The following KLB variants were observed in gnomAD, a reference collection of about 807,000 sequenced individuals.
KLB encodes klotho beta.
Under a neutral mutation model 88.4 loss-of-function variants are expected in KLB, and 44 were observed. The ratio of observed to expected loss-of-function variants is 0.50; its 90% CI spans 0.39 to 0.64. The LOEUF (loss-of-function observed/expected upper bound fraction) is 0.64, where lower values mean the gene tolerates loss of function less well. KLB is among the 30% of genes least tolerant of loss of function. The pLI, the probability that KLB is intolerant of heterozygous loss-of-function variation, is 0.00. For missense variants in KLB, 1,137 were observed against 1,304.8 expected, an observed-to-expected ratio of 0.87 and a Z score of 1.98; for synonymous variants, 548 against 513.4, an observed-to-expected ratio of 1.07 and a Z score of -0.91.
In KLB at chr4:39,435,475, GAATGCAGTGGTGC is replaced by G. The variant is rs532305042; in HGVS notation, c.1336+759_1336+771del. 6.0e-5 allele frequency among the ~76,000 whole-genome samples: 9 copies of G among 150,020 alleles called. No homozygotes were observed. In the East Asian group the frequency reaches 1.6e-3, roughly 26 times the overall value. On this transcript the variant is annotated intron_variant, in intron 2 of 4. Transcript: ENST00000257408. ...AGTTTCACTCTTGTTTCCCAGGCTG[GAATGCAGTGGTGC>G]AATCTCAGCTCACTGCAACCTCCAC...
At chr4:39,431,701 G>GT (rs1390200707) in intron 1 of KLB, among the ~76,000 whole-genome samples, 1 of 152,206 alleles carries the variant, frequency 6.6e-6, no homozygotes, top group Non-Finnish European at 1.5e-5. Flanking sequence ...TATTTAAATT[G>GT]TTTTTTCTTG....
chr4:39,442,433 C>T (rs1166357790), intron 3 of KLB, among the ~76,000 whole-genome samples: 1 of 145,404 alleles, frequency 6.9e-6, no homozygotes, highest in African/African-American at 2.6e-5. Context: ...TGCCTCTCTC[C>T]CCTTTTTTTT....
At chr4:39,443,661 G>A (rs1243617890) in intron 3 of KLB, among the ~76,000 whole-genome samples, 4 of 150,286 alleles carry the variant, frequency 2.7e-5, no homozygotes, top group Admixed American at 6.6e-5. Flanking sequence ...CTTGGGAGGC[G>A]GAGGCAGAAG....
rs779141122 is a variant in KLB, at chr4:39,446,369, C to T, written c.1643C>T (p.Pro548Leu). 1 of 1,614,142 alleles carries T rather than the reference C, an allele frequency of 6.2e-7. No homozygotes were observed. Among genetic ancestry groups the T allele is most frequent in the South Asian group, 1.1e-5 (1 of 91,074 alleles). ...SVASSPQFSD[P>L]HLYVWNATGN... ...GCTTCGTCCCCACAGTTCAGCGATC[C>T]TCATCTGTACGTGTGGAACGCCACT... Residue 548 changes from proline (P) to leucine (L), a missense_variant, in exon 4 of 5, where the codon CCT (proline) becomes CTT (leucine). Pro to Leu is a moderately conservative substitution (Grantham distance 98, BLOSUM62 -3). Coordinates refer to ENST00000257408, the MANE Select transcript of KLB (RefSeq NM_175737.4). This position sits in a 1 kb window ranked among gnomAD's most constrained non-coding sequence, Gnocchi z 6.4.
At chr4:39,434,817 T>G (rs1413081227) in intron 2 of KLB, 97 bp downstream of exon 2, 1 of 1,004,026 alleles carries the variant, frequency 1.0e-6, no homozygotes, top group Non-Finnish European at 1.4e-6. Context: ...TTGGGCTTTT[T>G]TTTTTTTGAA....
Position 39,451,197 on chromosome 4 carries a change from C to T in KLB, c.*2511C>T, listed in dbSNP as rs1390126744. On this transcript the variant is annotated 3_prime_UTR_variant, in exon 5 of 5. Transcript: ENST00000257408. ...TTTTTTAACCACTGGCAAATATGTA[C>T]AGCAAATTAGGTTAAGCATTTAATC... 1.3e-5 allele frequency: 2 copies of T among 152,202 alleles called. No homozygotes were observed. Among genetic ancestry groups the T allele is most frequent in the African/African-American group, 4.8e-5 (2 of 41,458 alleles). 9.4% of individuals were successfully genotyped at this position (152,202 alleles called of 1,614,324 possible). A position where few individuals can be genotyped will look rare whatever the true frequency, so the allele number is the denominator to read the frequency against.
intron 1 of KLB, among the ~76,000 whole-genome samples, chr4:39,418,447 C>T (rs985163531): frequency 2.0e-5 from 3 of 151,874 alleles, no homozygotes; most frequent in Admixed American, 2.0e-4. Context: ...CCATGTTGGC[C>T]AGGCTGGTCT....
Position 39,446,440 on chromosome 4 carries a change from C to A in KLB, c.1714C>A (p.Arg572=). Residue 572 remains arginine, a synonymous_variant, in exon 4 of 5, where the codon CGA becomes AGA. Transcript: ENST00000257408. This position sits in a 1 kb window ranked among gnomAD's most constrained non-coding sequence, Gnocchi z 6.4. ...AGTGGAAGGGGTGAGGCTGAAAACA[C>A]GACCCGCTCAATGCACAGATTTTGT... ...HRVEGVRLKT[R]PAQCTDFVNI... 1 of 1,614,208 alleles carries A rather than the reference C, an allele frequency of 6.2e-7. No homozygotes were observed. Among genetic ancestry groups the A allele is most frequent in the African/African-American group, 1.3e-5 (1 of 75,048 alleles).
At position 39,436,832 on chromosome 4, in the gene KLB, C is replaced by G. The variant is rs1003950546; in HGVS notation, c.1337-895C>G. On this transcript the variant is annotated intron_variant, in intron 2 of 4. Transcript: ENST00000257408. ...TCAAGCGATTCTCCTGCCTCAGCCTCCCGAGTAGCTGGGATTACAGATGCC... is the reference window on the plus strand; with the variant it reads ...TCAAGCGATTCTCCTGCCTCAGCCTGCCGAGTAGCTGGGATTACAGATGCC... Among the ~76,000 whole-genome samples the G allele has an allele frequency of 7.2e-5, 11 of 151,978 alleles. No individual in the cohort carries two copies. In the East Asian group the frequency reaches 7.7e-4, roughly 11 times the overall value.
rs2109815022 is a variant in KLB at position 39,407,182 on chromosome 4, A to G, written c.233A>G (p.Tyr78Cys). 4 of 1,614,086 alleles carry G rather than the reference A, an allele frequency of 2.5e-6. No homozygotes were observed. The highest frequency in any genetic ancestry group is 2.2e-5 in the East Asian group (1 of 44,886). ...GTAAATGAAAGTCAGCTGTTTCTCT[A>G]TGACACTTTCCCTAAAAACTTTTTC... is the stretch of plus-strand genomic sequence containing the variant. ...TPVNESQLFL[Y>C]DTFPKNFFWG... The change falls in exon 1 of 5, where the codon TAT (tyrosine) becomes TGT (cysteine). Residue 78 changes from tyrosine to cysteine, a missense_variant. Transcript: ENST00000257408.
intron 3 of KLB, among the ~76,000 whole-genome samples, chr4:39,442,811 T>G (rs1023441974): frequency 6.6e-6 from 1 of 152,208 alleles, no homozygotes; most frequent in Non-Finnish European, 1.5e-5. Context: ...AGCATGTATC[T>G]CCTAAGAACA....
At chr4:39,443,606 A>C (rs1743663680) in intron 3 of KLB, among the ~76,000 whole-genome samples, 2 of 150,518 alleles carry the variant, frequency 1.3e-5, no homozygotes, top group Admixed American at 1.3e-4. Context: ...AAAAAAAAAA[A>C]AAAAATTAGC....
intron 3 of KLB, 112 bp downstream of exon 3, chr4:39,438,107 G>T (rs992327807): frequency 3.7e-5 from 36 of 976,374 alleles, no homozygotes; most frequent in Non-Finnish European, 5.1e-5. Flanking sequence ...TACCACAATT[G>T]TATGGAGGTT....
At chr4:39,426,068 T>A (rs994892570) in intron 1 of KLB, among the ~76,000 whole-genome samples, 1 of 151,970 alleles carries the variant, frequency 6.6e-6, no homozygotes, top group Admixed American at 6.6e-5. Flanking sequence ...CTGGCTAACA[T>A]GGTGAAACAC....
rs531485560 is a variant in KLB, at chr4:39,431,130, A to C, written c.826-3080A>C. Among the ~76,000 whole-genome samples, 3 of 137,456 alleles carry C rather than the reference A, an allele frequency of 2.2e-5. No individual in the cohort carries two copies. The South Asian group carries it at 6.7e-4, about 31-fold the overall frequency. 90.2% of individuals were successfully genotyped at this position (137,456 alleles called of 152,430 possible). ...TTTTTTGTAGATACGGGGTTTCGTCATGTTGACCAGGCTGATCTCGAATTC... is the reference window on the plus strand; with the variant it reads ...TTTTTTGTAGATACGGGGTTTCGTCCTGTTGACCAGGCTGATCTCGAATTC... On this transcript the variant is annotated intron_variant, in intron 1 of 4. Coordinates refer to ENST00000257408, the MANE Select transcript of KLB (RefSeq NM_175737.4).
chr4:39,430,616 T>C, intron 1 of KLB, among the ~76,000 whole-genome samples: 1 of 101,464 alleles, frequency 9.9e-6, no homozygotes, highest in African/African-American at 3.1e-5. Flanking sequence ...TTTTTTTTTT[T>C]TTGAGACAGA....
chr4:39,418,238 A>C (rs950654872), intron 1 of KLB, among the ~76,000 whole-genome samples: 1 of 152,048 alleles, frequency 6.6e-6, no homozygotes, highest in Non-Finnish European at 1.5e-5. Context: ...TGCCCTTGAC[A>C]ATATCTTTTT....
chr4:39,440,406 A>G (rs1469221613), intron 3 of KLB, among the ~76,000 whole-genome samples: 4 of 152,098 alleles, frequency 2.6e-5, no homozygotes, highest in African/African-American at 9.7e-5. Flanking sequence ...TCAGTCTCCC[A>G]AAGTGCTGGG....
intron 1 of KLB, among the ~76,000 whole-genome samples, chr4:39,412,164 T>C (rs1363704933): frequency 6.6e-6 from 1 of 152,016 alleles, no homozygotes; most frequent in East Asian, 1.9e-4. Flanking sequence ...TTCACCGTTA[T>C]ACAATTCATC....
Sources: gnomAD v4.1 joint callset for allele counts (sites outside exome capture counted in the v4.1 genomes callset) on GRCh38, gnomAD v4.1.1 for gene constraint, Gnocchi (gnomAD v3.1) non-coding constraint, MANE v1.5 for transcripts, NCBI Gene and HGNC (gene_info 2026-07-23, HGNC 2026-07-21) for gene names.